Variants in FXYD7 observed in about 807,000 individuals in gnomAD.
FXYD7 encodes FXYD domain-containing ion transport regulator 7.
Under a neutral mutation model 15.3 loss-of-function variants are expected in FXYD7, and 7 were observed. The observed-to-expected ratio is 0.46, with a 90% CI of 0.26 to 0.86. The LOEUF (loss-of-function observed/expected upper bound fraction) is 0.86. Among genes scored for constraint, FXYD7 ranks in the 40% least tolerant of loss-of-function variants. The pLI is 0.16. For synonymous variants in FXYD7, 39 were observed against 39.3 expected (o/e 0.99, Z 0.03); for missense variants, 78 against 100.6 (o/e 0.78, Z 0.96).
chr19:35,150,353 G>A (rs1313214339), intron 2 of FXYD7, among the ~76,000 whole-genome samples: 1 of 152,088 alleles, frequency 6.6e-6, no homozygotes, highest in Non-Finnish European at 1.5e-5. Flanking sequence ...AGCCATGATT[G>A]CACCACTGCA....
chr19:35,152,667 G>C (rs2065315693), intron 5 of FXYD7, among the ~76,000 whole-genome samples: 1 of 151,848 alleles, frequency 6.6e-6, no homozygotes. Flanking sequence ...GGAGAATGTG[G>C]GAAGGAGGAG....
At chr19:35,144,780 G>A (rs937197420) in intron 1 of FXYD7, among the ~76,000 whole-genome samples, 4 of 152,132 alleles carry the variant, frequency 2.6e-5, no homozygotes, top group Admixed American at 6.5e-5. Context: ...GACGGGCAGA[G>A]GTGGGAGGAC....
chr19:35,149,045 T>C, intron 2 of FXYD7: 1 of 525,922 alleles, frequency 1.9e-6, no homozygotes, highest in Non-Finnish European at 3.7e-6. Flanking sequence ...ATTTGAATCC[T>C]GCCTTATCCA....
chr19:35,145,445 C>T (rs1383716344), intron 1 of FXYD7, among the ~76,000 whole-genome samples: 4 of 152,176 alleles, frequency 2.6e-5, no homozygotes, highest in East Asian at 3.8e-4. Context: ...AGTGGGCTCC[C>T]GATAACTTTG....
chr19:35,143,495 C>T lies in FXYD7; in HGVS notation c.31+131C>T, dbSNP rs1409004266. 12 of 710,274 alleles carry T rather than the reference C, an allele frequency of 1.7e-5. No individual in the cohort carries two copies. Among genetic ancestry groups the T allele is most frequent in the Middle Eastern group, 3.0e-4 (1 of 3,378 alleles). 44.0% of individuals were successfully genotyped at this position (710,274 alleles called of 1,614,324 possible). ...GAGGGAGGTCCGCTCCTCCTGTGGG[C>T]GGAAGCCCCTGTAATGCGCCCCCCC... On this transcript the variant is annotated intron_variant, in intron 1 of 5. Transcript: ENST00000270310. This position sits in a 1 kb window ranked among gnomAD's most constrained non-coding sequence, Gnocchi z 4.3.
At position 35,153,995 on chromosome 19, in the gene FXYD7, A is replaced by G; in HGVS notation, c.*79A>G. 2.1e-6 allele frequency: 3 copies of G among 1,430,022 alleles called. No homozygotes were observed. In the South Asian group the frequency reaches 3.5e-5, roughly 16 times the overall value. The allele number at this position is 1,430,022 out of a possible 1,614,324, so 88.6% of individuals were successfully genotyped here. A position where few individuals can be genotyped will look rare whatever the true frequency, so the allele number is the denominator to read the frequency against. The stretch of plus-strand genomic sequence containing the variant: ...GACCGGGTGGAGGCGGTGGGGACCC[A>G]GCCGCGCGCCGGGAGCGCTCCCCGG... On this transcript the variant is annotated 3_prime_UTR_variant, in exon 6 of 6. Transcript: ENST00000270310.
rs1190339300 is a variant in FXYD7, at chr19:35,151,497, G to A, written c.179+15G>A. ...AGGTCTGAGAGGTCTGGCAGCAGTG[G>A]GCAAAGAGCGGGAGGGGGCCTCGGG... On this transcript the variant is annotated intron_variant, in intron 4 of 5. Coordinates refer to ENST00000270310, the MANE Select transcript of FXYD7 (RefSeq NM_022006.2). The A allele has an allele frequency of 6.2e-7, 1 of 1,613,906 alleles. No homozygotes were observed. The highest frequency in any genetic ancestry group is 1.7e-5 in the Admixed American group (1 of 60,022).
In FXYD7 at chr19:35,154,062, C is replaced by G. The variant is rs2065328873; in HGVS notation, c.*146C>G. On this transcript the variant is annotated 3_prime_UTR_variant, in exon 6 of 6. Transcript: ENST00000270310. ...CACCCCAAGGCTGGAGCCGCTGCAC[C>G]CTGCTGTCCCTCTCCAGGCCTTGGC... 1.5e-6 allele frequency: 1 copy of G among 678,812 alleles called. No homozygotes were observed. The allele number at this position is 678,812 out of a possible 1,614,324, so 42.0% of individuals were successfully genotyped here.
Position 35,143,401 on chromosome 19 carries a change from C to T in FXYD7, c.31+37C>T. The T allele has an allele frequency of 4.1e-6, 6 of 1,468,400 alleles. No individual in the cohort carries two copies. The highest frequency in any genetic ancestry group is 5.5e-6 in the Non-Finnish European group (6 of 1,100,472). 91.0% of individuals were successfully genotyped at this position (1,468,400 alleles called of 1,614,324 possible). A position where few individuals can be genotyped will look rare whatever the true frequency, so the allele number is the denominator to read the frequency against. On this transcript the variant is annotated intron_variant, in intron 1 of 5. Transcript: ENST00000270310. This position sits in a 1 kb window ranked among gnomAD's most constrained non-coding sequence, Gnocchi z 4.3. The stretch of plus-strand genomic sequence containing the variant: ...TTGGGGAGGGGGTTGCAGGGGGGCT[C>T]CGGGATCTGAGAGCCTAGGAGAGAG...
rs1198023853 is a variant in FXYD7 at position 35,143,399 on chromosome 19, C to A, written c.31+35C>A. On this transcript the variant is annotated intron_variant, in intron 1 of 5. Coordinates refer to ENST00000270310, the MANE Select transcript of FXYD7 (RefSeq NM_022006.2). This position sits in a 1 kb window ranked among gnomAD's most constrained non-coding sequence, Gnocchi z 4.3. ...GTTTGGGGAGGGGGTTGCAGGGGGGCTCCGGGATCTGAGAGCCTAGGAGAG... is the reference window on the plus strand; with the variant it reads ...GTTTGGGGAGGGGGTTGCAGGGGGGATCCGGGATCTGAGAGCCTAGGAGAG... 6 of 1,469,092 alleles carry A rather than the reference C, an allele frequency of 4.1e-6. No individual in the cohort carries two copies. 91.0% of individuals were successfully genotyped at this position (1,469,092 alleles called of 1,614,324 possible).
At position 35,154,029 on chromosome 19, in the gene FXYD7, G is replaced by T. The variant is rs546835535; in HGVS notation, c.*113G>T. On this transcript the variant is annotated 3_prime_UTR_variant, in exon 6 of 6. Coordinates refer to ENST00000270310, the MANE Select transcript of FXYD7 (RefSeq NM_022006.2). ...CCGGGAGCGCTCCCCGGAATGAGCC[G>T]CCCCACCCACCCCAAGGCTGGAGCC... 4.2e-6 allele frequency: 4 copies of T among 947,266 alleles called. No individual in the cohort carries two copies. In the Admixed American group the frequency reaches 7.6e-5, roughly 18 times the overall value. The allele number at this position is 947,266 out of a possible 1,614,324, so 58.7% of individuals were successfully genotyped here.
intron 5 of FXYD7, 115 bp from the exon 6 acceptor site, chr19:35,153,779 G>A (rs1010757251): frequency 2.1e-5 from 19 of 922,800 alleles, no homozygotes; most frequent in Non-Finnish European, 3.2e-5. Flanking sequence ...TAGCTCTGGG[G>A]TGACAGTCCC....
intron 1 of FXYD7, among the ~76,000 whole-genome samples, chr19:35,145,506 C>G (rs1320454518): frequency 6.6e-6 from 1 of 152,222 alleles, no homozygotes; most frequent in Non-Finnish European, 1.5e-5. Context: ...CCACCTTTTA[C>G]AGCCTCCTGC....
intron 1 of FXYD7, among the ~76,000 whole-genome samples, chr19:35,148,093 A>AAGAGAG (rs770163373): frequency 8.0e-6 from 1 of 124,894 alleles, no homozygotes; most frequent in African/African-American, 2.9e-5. Context: ...GAAAGAAAGA[A>AAGAGAG]AGAGAGAGAG....
At chr19:35,151,227 C>G (rs201979195) in intron 2 of FXYD7, 27 bp from the exon 3 acceptor site, 2 of 1,477,660 alleles carry the variant, frequency 1.4e-6, no homozygotes, top group Admixed American at 1.7e-5. Context: ...CTGTCCCTGC[C>G]TCGATGTCCC....
chr19:35,153,956 C>T lies in FXYD7; in HGVS notation c.*40C>T, dbSNP rs370838243. ...AACTCCGCTGCCGACCCTGCCTGAG[C>T]GCGGGAGCCTGAGGACCGGGTGGAG... On this transcript the variant is annotated 3_prime_UTR_variant, in exon 6 of 6. Transcript: ENST00000270310. The T allele has an allele frequency of 1.1e-5, 17 of 1,601,698 alleles. No homozygotes were observed. Among genetic ancestry groups the T allele is most frequent in the Admixed American group, 8.4e-5 (5 of 59,660 alleles).
chr19:35,154,064 T>A lies in FXYD7; in HGVS notation c.*148T>A. On this transcript the variant is annotated 3_prime_UTR_variant, in exon 6 of 6. Coordinates refer to ENST00000270310, the MANE Select transcript of FXYD7 (RefSeq NM_022006.2). ...CCCCAAGGCTGGAGCCGCTGCACCCTGCTGTCCCTCTCCAGGCCTTGGCAA... is the reference window on the plus strand; with the variant it reads ...CCCCAAGGCTGGAGCCGCTGCACCCAGCTGTCCCTCTCCAGGCCTTGGCAA... 1 of 677,466 alleles carries A rather than the reference T, an allele frequency of 1.5e-6. No individual in the cohort carries two copies. The highest frequency in any genetic ancestry group is 2.5e-6 in the Non-Finnish European group (1 of 396,554). The allele number at this position is 677,466 out of a possible 1,614,324, so 42.0% of individuals were successfully genotyped here. A position where few individuals can be genotyped will look rare whatever the true frequency, so the allele number is the denominator to read the frequency against.
At position 35,148,708 on chromosome 19, in the gene FXYD7, G is replaced by T; in HGVS notation, c.46G>T (p.Asp16Tyr). The change falls in exon 2 of 6, where the codon GAC (aspartate) becomes TAC (tyrosine). Residue 16 changes from aspartate (D) to tyrosine (Y), a missense_variant. By Grantham distance (160) the Asp-to-Tyr change is radical. Coordinates refer to ENST00000270310, the MANE Select transcript of FXYD7 (RefSeq NM_022006.2). ...QTPTKAPEEPDPFYYDYNTVQ... is the reference protein window; with the variant it reads ...QTPTKAPEEPYPFYYDYNTVQ... ...CTTTCCCTCAGCTCCTGAGGAACCT[G>T]ACCCATTTTACTATGGTGAGTGTTG... 1 of 1,585,486 alleles carries T rather than the reference G, an allele frequency of 6.3e-7. No homozygotes were observed. The highest frequency in any genetic ancestry group is 1.1e-5 in the South Asian group (1 of 89,188).
rs1416810561 is a variant in FXYD7 at position 35,153,984 on chromosome 19, G to T, written c.*68G>T. ...GGGAGCCTGAGGACCGGGTGGAGGC[G>T]GTGGGGACCCAGCCGCGCGCCGGGA... On this transcript the variant is annotated 3_prime_UTR_variant, in exon 6 of 6. Coordinates refer to ENST00000270310, the MANE Select transcript of FXYD7 (RefSeq NM_022006.2). 5.4e-5 allele frequency: 81 copies of T among 1,502,392 alleles called. No homozygotes were observed. Among genetic ancestry groups the T allele is most frequent in the Non-Finnish European group, 6.4e-6 (7 of 1,087,492 alleles). The allele number at this position is 1,502,392 out of a possible 1,614,324, so 93.1% of individuals were successfully genotyped here. A position where few individuals can be genotyped will look rare whatever the true frequency, so the allele number is the denominator to read the frequency against.
Sources: allele counts gnomAD v4.1 joint callset (sites outside exome capture counted in the v4.1 genomes callset), GRCh38; gene constraint gnomAD v4.1.1; non-coding constraint Gnocchi (gnomAD v3.1); transcripts MANE v1.5; gene names NCBI Gene and HGNC (gene_info 2026-07-23, HGNC 2026-07-21).